The following CDH7 variants were observed in gnomAD, a reference collection of about 807,000 sequenced individuals.
The protein encoded by CDH7 is cadherin-7.
In CDH7, 25 loss-of-function variants were observed where a neutral mutation model predicts 71.8. The ratio of observed to expected loss-of-function variants is 0.35; its 90% CI spans 0.25 to 0.49. The LOEUF is 0.49. Among genes scored for constraint, CDH7 ranks in the 20% least tolerant of loss-of-function variants. The pLI, the probability that CDH7 is intolerant of heterozygous loss-of-function variation, is 0.99. For synonymous variants in CDH7, 381 were observed against 363.8 expected (o/e 1.05, Z -0.54); for missense variants, 862 against 974.6 (o/e 0.88, Z 1.54).
chr18:65,833,575 C>T (rs2143965255), intron 6 of CDH7, among the ~76,000 whole-genome samples: 1 of 152,210 alleles, frequency 6.6e-6, no homozygotes, highest in East Asian at 1.9e-4. Context: ...TTCTGAACTT[C>T]AGATTATATT....
At chr18:65,824,528 A>C in intron 5 of CDH7, 116 bp from the exon 6 acceptor site, 1 of 576,042 alleles carries the variant, frequency 1.7e-6, no homozygotes, top group Admixed American at 3.6e-5. Flanking sequence ...CTTAGCATAT[A>C]TTTTATTAAA....
At chr18:65,805,647 C>T (rs1436623364) in intron 2 of CDH7, among the ~76,000 whole-genome samples, 1 of 152,202 alleles carries the variant, frequency 6.6e-6, no homozygotes, top group Non-Finnish European at 1.5e-5. Context: ...GCAATAGATG[C>T]TTCCTGGAAT....
intron 2 of CDH7, among the ~76,000 whole-genome samples, chr18:65,771,634 C>A (rs1916545649): frequency 6.6e-6 from 1 of 151,762 alleles, no homozygotes; most frequent in South Asian, 2.1e-4. Context: ...CAAGATCATG[C>A]CACTGCACTC....
At chr18:65,786,412 C>T (rs1239621814) in intron 2 of CDH7, among the ~76,000 whole-genome samples, 3 of 151,744 alleles carry the variant, frequency 2.0e-5, no homozygotes, top group Admixed American at 1.3e-4. Context: ...CCCACAACCG[C>T]CCCCCCAGTT....
At chr18:65,870,487 C>T (rs1913896194) in intron 11 of CDH7, among the ~76,000 whole-genome samples, 1 of 152,080 alleles carries the variant, frequency 6.6e-6, no homozygotes, top group African/African-American at 2.4e-5. Context: ...TGAAACATTT[C>T]AGATGCACTT....
In CDH7 at chr18:65,805,339, C is replaced by T. The variant is rs1039567174; in HGVS notation, c.211-4365C>T. ...GGGAAGCATGGAAATGCTTGCTATGCTCAGGCAGTGAGAACTAGTCCAGCA... is the reference window on the plus strand; with the variant it reads ...GGGAAGCATGGAAATGCTTGCTATGTTCAGGCAGTGAGAACTAGTCCAGCA... On this transcript the variant is annotated intron_variant, in intron 2 of 11. Coordinates refer to ENST00000397968, the MANE Select transcript of CDH7 (RefSeq NM_004361.5). 2.6e-5 allele frequency among the ~76,000 whole-genome samples: 4 copies of T among 152,290 alleles called. No homozygotes were observed. The South Asian group carries it at 8.3e-4, about 32-fold the overall frequency.
rs75197639 is a variant in CDH7 at position 65,800,838 on chromosome 18, C to T, written c.211-8866C>T. Among the ~76,000 whole-genome samples, 1,297 of 152,210 alleles carry T rather than the reference C, an allele frequency of 8.5e-3. 14 individuals are homozygous for T. Among genetic ancestry groups the T allele is most frequent in the African/African-American group, 0.029 (1,220 of 41,542 alleles). On this transcript the variant is annotated intron_variant, in intron 2 of 11. Transcript: ENST00000397968. ...TGTGTGTTACTCAGTCAGAGTATCC[C>T]TAGAAAGGAATTGATTTCATCTTTT... is the stretch of plus-strand genomic sequence containing the variant.
chr18:65,879,714 C>T (rs1410537209), intron 11 of CDH7, among the ~76,000 whole-genome samples: 2 of 152,114 alleles, frequency 1.3e-5, no homozygotes, highest in Non-Finnish European at 2.9e-5. Context: ...AAGATAAATT[C>T]CTAACATTAA....
intron 7 of CDH7, among the ~76,000 whole-genome samples, chr18:65,857,211 G>T (rs1913390019): frequency 6.6e-6 from 1 of 151,354 alleles, no homozygotes; most frequent in African/African-American, 2.4e-5. Flanking sequence ...AGCCAGTGAT[G>T]GTGGCTCACG....
intron 2 of CDH7, among the ~76,000 whole-genome samples, chr18:65,795,986 C>T (rs1236369397): frequency 6.6e-6 from 1 of 152,086 alleles, no homozygotes; most frequent in African/African-American, 2.4e-5. Context: ...ATCGTAAGTT[C>T]CCTGAAGCCT....
At chr18:65,766,942 CTCTGTT>C (rs1275696166) in intron 2 of CDH7, among the ~76,000 whole-genome samples, 2 of 145,768 alleles carry the variant, frequency 1.4e-5, no homozygotes. Flanking sequence ...ACCACTCAGC[CTCTGTT>C]CCAGGTATTA....
At chr18:65,821,346 T>A (rs1013968536) in intron 4 of CDH7, among the ~76,000 whole-genome samples, 1 of 152,120 alleles carries the variant, frequency 6.6e-6, no homozygotes, top group Non-Finnish European at 1.5e-5. Context: ...CACCTGGACC[T>A]AATTTGTATA....
At chr18:65,868,498 C>G (rs1198297133) in intron 11 of CDH7, among the ~76,000 whole-genome samples, 1 of 152,188 alleles carries the variant, frequency 6.6e-6, no homozygotes, top group East Asian at 1.9e-4. Context: ...ACGTGAAAGA[C>G]CTCTCTGTTT....
At chr18:65,765,768 C>T (rs1428132985) in intron 2 of CDH7, among the ~76,000 whole-genome samples, 1 of 151,934 alleles carries the variant, frequency 6.6e-6, no homozygotes, top group East Asian at 1.9e-4. Context: ...CCGTATGTGT[C>T]AAATTGACAT....
intron 2 of CDH7, among the ~76,000 whole-genome samples, chr18:65,802,416 G>A (rs1367111940): frequency 6.6e-6 from 1 of 152,138 alleles, no homozygotes; most frequent in African/African-American, 2.4e-5. Context: ...CTCAAATTCT[G>A]TTTTTATCTT....
chr18:65,837,447 G>T (rs1351978796), intron 6 of CDH7, among the ~76,000 whole-genome samples: 1 of 152,166 alleles, frequency 6.6e-6, no homozygotes, highest in South Asian at 2.1e-4. Flanking sequence ...CTGGAAAAAG[G>T]CTCCTGCTGA....
At chr18:65,782,108 T>TC (rs1391025215) in intron 2 of CDH7, among the ~76,000 whole-genome samples, 1 of 21,164 alleles carries the variant, frequency 4.7e-5, no homozygotes, top group Non-Finnish European at 7.5e-5. Context: ...CCTTCCTTCC[T>TC]TCTTTCTTTC....
At chr18:65,789,772 G>C (rs893990471) in intron 2 of CDH7, among the ~76,000 whole-genome samples, 19 of 152,118 alleles carry the variant, frequency 1.2e-4, no homozygotes, top group Non-Finnish European at 1.3e-4. Context: ...TCTAGGCAGA[G>C]GGAAAGGAGG....
intron 2 of CDH7, among the ~76,000 whole-genome samples, chr18:65,790,884 AAAAC>A (rs745329331): frequency 8.0e-4 from 122 of 152,322 alleles, no homozygotes; most frequent in Non-Finnish European, 1.4e-3. Context: ...AAAACAAAAT[AAAAC>A]AAACAAACAA....
Sources: gnomAD v4.1 joint callset for allele counts (sites outside exome capture counted in the v4.1 genomes callset) on GRCh38, gnomAD v4.1.1 for gene constraint, MANE v1.5 for transcripts, NCBI Gene and HGNC (gene_info 2026-07-23, HGNC 2026-07-21) for gene names.